Variants in SGCZ observed in about 807,000 individuals in gnomAD.
The protein encoded by SGCZ is zeta-sarcoglycan.
SGCZ carries 40 observed loss-of-function variants against 41.3 expected under a neutral mutation model. That is an observed-to-expected ratio of 0.97 (90% CI 0.75 to 1.26). SGCZ has a LOEUF of 1.26. Among genes scored for constraint, SGCZ ranks in the 50% most tolerant of loss-of-function variants. The pLI is 0.00. For missense variants in SGCZ, 552 were observed against 369.8 expected (o/e 1.49, Z -4.04); for synonymous variants, 206 against 137.5 (o/e 1.50, Z -3.49).
At chr8:14,220,335 G>T (rs573816986) in intron 4 of SGCZ, among the ~76,000 whole-genome samples, 1 of 152,114 alleles carries the variant, frequency 6.6e-6, no homozygotes, top group African/African-American at 2.4e-5. Flanking sequence ...GAGAAAAAAA[G>T]TCAGATGCAA....
intron 1 of SGCZ, among the ~76,000 whole-genome samples, chr8:14,669,765 T>A (rs1219982050): frequency 6.6e-6 from 1 of 152,128 alleles, no homozygotes; most frequent in Non-Finnish European, 1.5e-5. Flanking sequence ...AGACTTTTAG[T>A]ATGTTTCCAT....
At chr8:14,814,395 C>T (rs556058160) in intron 1 of SGCZ, among the ~76,000 whole-genome samples, 51 of 152,146 alleles carry the variant, frequency 3.4e-4, no homozygotes, top group African/African-American at 1.2e-3. Context: ...ATTCAAAGAG[C>T]TACATCCCCA....
intron 4 of SGCZ, among the ~76,000 whole-genome samples, chr8:14,196,450 A>G (rs943168612): frequency 2.5e-4 from 38 of 152,054 alleles, no homozygotes; most frequent in Admixed American, 3.3e-4. Context: ...TGAAATGCAA[A>G]ATTTTTCAGC....
At chr8:14,706,107 T>A (rs1318060179) in intron 1 of SGCZ, among the ~76,000 whole-genome samples, 7 of 151,932 alleles carry the variant, frequency 4.6e-5, no homozygotes, top group South Asian at 2.1e-4. Context: ...AATCTAGAAT[T>A]TTCCCCCCCA....
rs774877351 is a variant in SGCZ, at chr8:14,971,024, A to T, written c.39+266561T>A. ...ATCTTCTGTAAGTTTTGTCTCTAGGACATATTTTTGATGCTTTTGTGAAAT... is the reference window on the plus strand; with the variant it reads ...ATCTTCTGTAAGTTTTGTCTCTAGGTCATATTTTTGATGCTTTTGTGAAAT... On this transcript the variant is annotated intron_variant, in intron 1 of 7. Transcript: ENST00000382080. Among the ~76,000 whole-genome samples, 16 of 152,276 alleles carry T rather than the reference A, an allele frequency of 1.1e-4. No homozygotes were observed. In the South Asian group the frequency reaches 3.1e-3, roughly 30 times the overall value.
intron 3 of SGCZ, among the ~76,000 whole-genome samples, chr8:14,276,631 C>T (rs1176710119): frequency 6.6e-6 from 1 of 152,094 alleles, no homozygotes; most frequent in Non-Finnish European, 1.5e-5. Flanking sequence ...TCTAAAAAAT[C>T]CTGAACTATT....
intron 3 of SGCZ, among the ~76,000 whole-genome samples, chr8:14,289,698 G>A (rs919130609): frequency 6.6e-6 from 1 of 151,778 alleles, no homozygotes; most frequent in African/African-American, 2.4e-5. Flanking sequence ...GGCATCAACT[G>A]CACACAATGG....
At chr8:14,723,847 A>G (rs1309118753) in intron 1 of SGCZ, among the ~76,000 whole-genome samples, 2 of 152,082 alleles carry the variant, frequency 1.3e-5, no homozygotes, top group Admixed American at 1.3e-4. Context: ...TTGTTCAGGT[A>G]AAAGGCTCTC....
chr8:15,194,763 T>C (rs75281143), intron 1 of SGCZ, among the ~76,000 whole-genome samples: 2,556 of 152,220 alleles, frequency 0.017, 66 homozygotes, highest in African/African-American at 0.058. Flanking sequence ...TAAGGAAACA[T>C]TCTCCATTCG....
intron 2 of SGCZ, among the ~76,000 whole-genome samples, chr8:14,409,352 T>A (rs1391391982): frequency 6.6e-6 from 1 of 152,094 alleles, no homozygotes; most frequent in Non-Finnish European, 1.5e-5. Context: ...AAAATGAGAT[T>A]TAAAAAACTT....
chr8:14,799,681 T>TAA (rs111382922), intron 1 of SGCZ, among the ~76,000 whole-genome samples: 4 of 143,646 alleles, frequency 2.8e-5, no homozygotes, highest in South Asian at 2.1e-4. Flanking sequence ...AAGGGCAAAA[T>TAA]AAAAAAAAAT....
intron 1 of SGCZ, among the ~76,000 whole-genome samples, chr8:15,091,773 G>A (rs1320274275): frequency 6.6e-6 from 1 of 152,090 alleles, no homozygotes; most frequent in African/African-American, 2.4e-5. Flanking sequence ...TTTATTTAGA[G>A]ACAGGGTCTC....
chr8:14,387,249 G>A (rs1431771782), intron 2 of SGCZ, among the ~76,000 whole-genome samples: 5 of 152,066 alleles, frequency 3.3e-5, no homozygotes, highest in Admixed American at 3.3e-4. Flanking sequence ...ACAGTGTCTT[G>A]CTCTGTTGCC....
At chr8:14,797,924 C>T (rs1801190145) in intron 1 of SGCZ, among the ~76,000 whole-genome samples, 1 of 152,194 alleles carries the variant, frequency 6.6e-6, no homozygotes, top group African/African-American at 2.4e-5. Context: ...TGCAGGTACA[C>T]AGAAGTCAAG....
chr8:14,712,476 TC>T (rs1169372452), intron 1 of SGCZ, among the ~76,000 whole-genome samples: 2 of 152,244 alleles, frequency 1.3e-5, no homozygotes, highest in African/African-American at 4.8e-5. Context: ...TTCAGGACTG[TC>T]ATTAGCCAGT....
intron 1 of SGCZ, among the ~76,000 whole-genome samples, chr8:14,960,379 A>T (rs1198057100): frequency 6.6e-6 from 1 of 151,956 alleles, no homozygotes; most frequent in Non-Finnish European, 1.5e-5. Context: ...TGGGTTTGGG[A>T]ATTGTACCAA....
In SGCZ at chr8:15,078,618, A is replaced by G. The variant is rs1399987130; in HGVS notation, c.39+158967T>C. ...TAGGATGTTTGGTCTGTTTACAATT[A>G]TCTCCACTTAGTAAGTGATGCACAA... On this transcript the variant is annotated intron_variant, in intron 1 of 7. Transcript: ENST00000382080. Among the ~76,000 whole-genome samples the G allele has an allele frequency of 2.6e-5, 4 of 152,044 alleles. No individual in the cohort carries two copies. The East Asian group carries it at 5.8e-4, about 22-fold the overall frequency.
chr8:14,108,768 G>C (rs1431378169), intron 5 of SGCZ, among the ~76,000 whole-genome samples: 1 of 151,880 alleles, frequency 6.6e-6, no homozygotes, highest in East Asian at 1.9e-4. Flanking sequence ...AGTCAATCAA[G>C]GTAAATCTAA....
chr8:14,993,803 G>T (rs1802111263), intron 1 of SGCZ, among the ~76,000 whole-genome samples: 1 of 152,164 alleles, frequency 6.6e-6, no homozygotes, highest in Admixed American at 6.5e-5. Context: ...CGCAAGATAA[G>T]GTAGGGATTT....
Sources: gnomAD v4.1 joint callset for allele counts (sites outside exome capture counted in the v4.1 genomes callset) on GRCh38, gnomAD v4.1.1 for gene constraint, MANE v1.5 for transcripts, NCBI Gene and HGNC (gene_info 2026-07-23, HGNC 2026-07-21) for gene names.